USP31: variants seen among roughly 807,000 people sequenced by gnomAD.
USP31 encodes ubiquitin carboxyl-terminal hydrolase 31.
Under a neutral mutation model 119.4 loss-of-function variants are expected in USP31, and 44 were observed. That is an observed-to-expected ratio of 0.37 (90% confidence interval 0.29 to 0.47). The LOEUF (loss-of-function observed/expected upper bound fraction) is 0.47, where lower values mean the gene tolerates loss of function less well. USP31 is among the 20% of genes least tolerant of loss of function. USP31 has a pLI of 0.99. For missense variants in USP31, 1,643 were observed against 1,730.2 expected (o/e 0.95, Z 0.89); for synonymous variants, 749 against 705.6 (o/e 1.06, Z -0.97).
At chr16:23,142,615 C>CT (rs1903384833) in intron 1 of USP31, among the ~76,000 whole-genome samples, 1 of 152,210 alleles carries the variant, frequency 6.6e-6, no homozygotes, top group Non-Finnish European at 1.5e-5. Flanking sequence ...CCCTCAACCT[C>CT]TAGCTAGTGG....
At position 23,149,329 on chromosome 16, in the gene USP31, G is replaced by A. The variant is rs1291806581; in HGVS notation, c.-59C>T. The A allele has an allele frequency of 9.9e-7, 1 of 1,007,590 alleles. No individual in the cohort carries two copies. The highest frequency in any genetic ancestry group is 1.2e-6 in the Non-Finnish European group (1 of 846,464). 62.4% of individuals were successfully genotyped at this position (1,007,590 alleles called of 1,614,324 possible). On this transcript the variant is annotated 5_prime_UTR_variant, in exon 1 of 16. Transcript: ENST00000219689. ...CCCGCCCGGCCCGCGGCCCCGCCAC[G>A]GCCGCCGCCGCATCCCGCAGCGCCG...
Position 23,063,001 on chromosome 16 carries a change from T to C in USP31, c.*5045A>G, listed in dbSNP as rs192732591. ...TGCAAATTAGAAACACCCAGAAGCT[T>C]TTAAAATACATGGTAATTCCTGGAT... is the stretch of plus-strand genomic sequence containing the variant. On this transcript the variant is annotated 3_prime_UTR_variant, in exon 16 of 16. Coordinates refer to ENST00000219689, the MANE Select transcript of USP31 (RefSeq NM_020718.4). 25 of 152,704 alleles carry C rather than the reference T, an allele frequency of 1.6e-4. No individual in the cohort carries two copies. In the East Asian group the frequency reaches 4.6e-3, roughly 28 times the overall value. The allele number at this position is 152,704 out of a possible 1,614,324, so 9.5% of individuals were successfully genotyped here. A position where few individuals can be genotyped will look rare whatever the true frequency, so the allele number is the denominator to read the frequency against.
rs376086111 is a variant in USP31 at position 23,145,078 on chromosome 16, C to T, written c.633+3560G>A. The stretch of plus-strand genomic sequence containing the variant: ...TATGGTGCAGCCAGCCACTAAATGT[C>T]TATTCCCCAAAACCACACGCCCTTT... On this transcript the variant is annotated intron_variant, in intron 1 of 15. Coordinates refer to ENST00000219689, the MANE Select transcript of USP31 (RefSeq NM_020718.4). Among the ~76,000 whole-genome samples the T allele has an allele frequency of 2.0e-5, 3 of 152,286 alleles. No individual in the cohort carries two copies. The East Asian group carries it at 5.8e-4, about 29-fold the overall frequency.
At position 23,066,086 on chromosome 16, in the gene USP31, A is replaced by C. The variant is rs1249912920; in HGVS notation, c.*1960T>G. On this transcript the variant is annotated 3_prime_UTR_variant, in exon 16 of 16. Transcript: ENST00000219689. ...AGCATCGAAGGCAGCCAGTTGCCGC[A>C]GATGTACTGAGCAGATGAGAGTGGT... 6.6e-6 allele frequency: 1 copy of C among 152,252 alleles called. No individual in the cohort carries two copies. Among genetic ancestry groups the C allele is most frequent in the Admixed American group, 6.5e-5 (1 of 15,282 alleles). 9.4% of individuals were successfully genotyped at this position (152,252 alleles called of 1,614,324 possible).
At chr16:23,123,264 G>A (rs756614294) in intron 1 of USP31, among the ~76,000 whole-genome samples, 2 of 152,154 alleles carry the variant, frequency 1.3e-5, no homozygotes, top group Non-Finnish European at 1.5e-5. Context: ...TAGGCTGGGC[G>A]CGGCAGCTCA....
At chr16:23,128,593 A>G (rs1298866087) in intron 1 of USP31, among the ~76,000 whole-genome samples, 2 of 152,188 alleles carry the variant, frequency 1.3e-5, no homozygotes, top group African/African-American at 4.8e-5. Flanking sequence ...GAAACCAAAT[A>G]ACTGGACAAG....
intron 15 of USP31, 57 bp downstream of exon 15, chr16:23,071,988 C>T: frequency 6.4e-7 from 1 of 1,562,460 alleles, no homozygotes; most frequent in Non-Finnish European, 8.7e-7. Context: ...ACACGAGGGA[C>T]TCTGCTGTGT....
In USP31 at chr16:23,101,478, G is replaced by C. The variant is rs575236053; in HGVS notation, c.1234+841C>G. 2.0e-5 allele frequency among the ~76,000 whole-genome samples: 3 copies of C among 152,252 alleles called. No individual in the cohort carries two copies. The South Asian group carries it at 6.2e-4, about 32-fold the overall frequency. On this transcript the variant is annotated intron_variant, in intron 6 of 15. Coordinates refer to ENST00000219689, the MANE Select transcript of USP31 (RefSeq NM_020718.4). ...AAAAGAAAAGTGGAGGCTAGTGGGGGAATTCAGCTCAAAAAATCAAGGCGT... is the reference window on the plus strand; with the variant it reads ...AAAAGAAAAGTGGAGGCTAGTGGGGCAATTCAGCTCAAAAAATCAAGGCGT...
At chr16:23,104,052 C>T (rs1901993291) in intron 5 of USP31, among the ~76,000 whole-genome samples, 1 of 152,200 alleles carries the variant, frequency 6.6e-6, no homozygotes, top group South Asian at 2.1e-4. Flanking sequence ...CTGGATTGGG[C>T]ATGCAGGTTC....
intron 14 of USP31, 55 bp downstream of exon 14, chr16:23,073,663 CCATT>C: frequency 6.3e-7 from 1 of 1,585,514 alleles, no homozygotes; most frequent in Non-Finnish European, 8.6e-7. Context: ...GTCCTCTAGA[CCATT>C]CATTACAATC....
At chr16:23,124,659 T>C (rs747029388) in intron 1 of USP31, among the ~76,000 whole-genome samples, 3 of 152,182 alleles carry the variant, frequency 2.0e-5, no homozygotes, top group Admixed American at 2.0e-4. Flanking sequence ...GAGGCTGAGA[T>C]GGGTGGATCA....
intron 1 of USP31, among the ~76,000 whole-genome samples, chr16:23,125,212 T>C (rs144901192): frequency 1.9e-4 from 29 of 152,298 alleles, no homozygotes; most frequent in African/African-American, 6.7e-4. Context: ...GGTATTACTA[T>C]GTGGCAATGA....
chr16:23,077,754 C>A (rs144596180), intron 13 of USP31, among the ~76,000 whole-genome samples: 1 of 152,170 alleles, frequency 6.6e-6, no homozygotes, highest in Non-Finnish European at 1.5e-5. Context: ...TCAAATTAAT[C>A]ACATCAACCC....
intron 13 of USP31, among the ~76,000 whole-genome samples, chr16:23,077,389 G>A (rs544673942): frequency 1.3e-5 from 2 of 152,208 alleles, no homozygotes; most frequent in South Asian, 4.1e-4. Context: ...AGATTATTGT[G>A]TCCAGTAATC....
In USP31 at chr16:23,083,870, G is replaced by A. The variant is rs1462215362; in HGVS notation, c.1830+990C>T. ...AATATTAGGACTTCTGAGTCATAATGAATTTAAGACAGAGAACAACTGTTG... is the reference window on the plus strand; with the variant it reads ...AATATTAGGACTTCTGAGTCATAATAAATTTAAGACAGAGAACAACTGTTG... On this transcript the variant is annotated intron_variant, in intron 11 of 15. Coordinates refer to ENST00000219689, the MANE Select transcript of USP31 (RefSeq NM_020718.4). Among the ~76,000 whole-genome samples, 3 of 152,128 alleles carry A rather than the reference G, an allele frequency of 2.0e-5. No individual in the cohort carries two copies. The East Asian group carries it at 5.8e-4, about 29-fold the overall frequency.
chr16:23,084,726 T>C (rs1901016945), intron 11 of USP31, 134 bp downstream of exon 11: 2 of 1,172,744 alleles, frequency 1.7e-6, no homozygotes, highest in Non-Finnish European at 1.2e-6. Context: ...AAGATGCTCA[T>C]TACATGTGCA....
At chr16:23,144,497 T>A (rs1903448903) in intron 1 of USP31, among the ~76,000 whole-genome samples, 1 of 152,118 alleles carries the variant, frequency 6.6e-6, no homozygotes, top group East Asian at 1.9e-4. Flanking sequence ...TTCCTTTTTT[T>A]GAGGCAGAGT....
chr16:23,133,493 C>T (rs919253135), intron 1 of USP31, among the ~76,000 whole-genome samples: 3 of 152,136 alleles, frequency 2.0e-5, no homozygotes, highest in African/African-American at 7.2e-5. Context: ...ATCATTTTGC[C>T]TCTGAGACTG....
At chr16:23,079,659 C>A in intron 13 of USP31, 1 of 294,122 alleles carries the variant, frequency 3.4e-6, no homozygotes, top group Non-Finnish European at 6.3e-6. Context: ...ATGGGGAGCG[C>A]AGGTTAGGTA....
Sources: gnomAD v4.1 joint callset for allele counts (sites outside exome capture counted in the v4.1 genomes callset) on GRCh38, gnomAD v4.1.1 for gene constraint, MANE v1.5 for transcripts, NCBI Gene and HGNC (gene_info 2026-07-23, HGNC 2026-07-21) for gene names.